CADM2: variants seen among roughly 807,000 people sequenced by gnomAD.
The protein encoded by CADM2 is cell adhesion molecule 2, also known as immunoglobulin superfamily member 4D.
A neutral mutation model predicts 49.8 loss-of-function variants in CADM2; 12 were observed. That is an observed-to-expected ratio of 0.24 (90% CI 0.15 to 0.39). The LOEUF (loss-of-function observed/expected upper bound fraction) is 0.39, where lower values mean the gene tolerates loss of function less well. CADM2 is among the 10% of genes least tolerant of loss of function. The pLI is 1.00. For missense variants in CADM2, 378 were observed against 492.3 expected (o/e 0.77, Z 2.20); for synonymous variants, 214 against 175.4 (o/e 1.22, Z -1.74).
intron 8 of CADM2, chr3:85,979,090 A>G (rs1727147664): frequency 2.6e-6 from 4 of 1,520,618 alleles, no homozygotes; most frequent in Non-Finnish European, 3.6e-6. Flanking sequence ...ATATGTATTT[A>G]TAATTTGAAT....
intron 1 of CADM2, among the ~76,000 whole-genome samples, chr3:85,591,815 C>T (rs1488482902): frequency 2.0e-5 from 3 of 151,882 alleles, no homozygotes; most frequent in African/African-American, 7.3e-5. Flanking sequence ...CACTTTGTTC[C>T]CAGTGAATTC....
intron 1 of CADM2, among the ~76,000 whole-genome samples, chr3:85,104,600 T>A (rs1477735462): frequency 6.6e-6 from 1 of 152,200 alleles, no homozygotes; most frequent in Non-Finnish European, 1.5e-5. Flanking sequence ...TTTCCAATTC[T>A]GTGAAGAAAG....
Position 85,735,846 on chromosome 3 carries a change from T to G in CADM2, c.88+9298T>G, listed in dbSNP as rs142865478. On this transcript the variant is annotated intron_variant, in intron 2 of 9. Transcript: ENST00000383699. ...ACACAACAAAATAACGACAGCTCAG[T>G]TTTCATCATGTAAAGTTGAAGAGAC... 3.2e-4 allele frequency among the ~76,000 whole-genome samples: 48 copies of G among 149,384 alleles called. No individual in the cohort carries two copies. In the East Asian group the frequency reaches 8.5e-3, roughly 26 times the overall value.
At chr3:85,700,349 AG>A (rs1404066479) in intron 1 of CADM2, among the ~76,000 whole-genome samples, 1 of 152,126 alleles carries the variant, frequency 6.6e-6, no homozygotes, top group African/African-American at 2.4e-5. Flanking sequence ...ATGGGGGACT[AG>A]GGGAGGGATA....
At chr3:85,538,878 G>A (rs188235957) in intron 1 of CADM2, among the ~76,000 whole-genome samples, 5 of 149,994 alleles carry the variant, frequency 3.3e-5, no homozygotes, top group African/African-American at 4.8e-5. Flanking sequence ...CTATAATATC[G>A]TGAGTTGAAT....
intron 1 of CADM2, among the ~76,000 whole-genome samples, chr3:85,444,890 C>T (rs1243666947): frequency 6.6e-6 from 1 of 152,056 alleles, no homozygotes. Context: ...GAGTTGCAGT[C>T]TAGCACAGAA....
chr3:85,634,813 CAG>C (rs2064412595), intron 1 of CADM2, among the ~76,000 whole-genome samples: 1 of 152,036 alleles, frequency 6.6e-6, no homozygotes, highest in African/African-American at 2.4e-5. Flanking sequence ...GATTTCTTGA[CAG>C]AAACTACATA....
intron 1 of CADM2, among the ~76,000 whole-genome samples, chr3:85,171,268 C>G (rs1200091524): frequency 6.6e-6 from 1 of 152,150 alleles, no homozygotes; most frequent in East Asian, 1.9e-4. Context: ...TCAATATCCA[C>G]TATAAGGTGG....
At chr3:85,053,714 A>G (rs2107415447) in intron 1 of CADM2, among the ~76,000 whole-genome samples, 2 of 152,074 alleles carry the variant, frequency 1.3e-5, no homozygotes, top group Middle Eastern at 6.8e-3. Flanking sequence ...TTGTTTTTAG[A>G]AAAAATGATT....
chr3:85,665,450 A>C (rs760488302), intron 1 of CADM2, among the ~76,000 whole-genome samples: 2 of 151,956 alleles, frequency 1.3e-5, no homozygotes, highest in Non-Finnish European at 2.9e-5. Flanking sequence ...ACAGGAACTT[A>C]GTTGTTATTT....
intron 1 of CADM2, among the ~76,000 whole-genome samples, chr3:85,468,555 AT>A (rs1013162621): frequency 6.6e-6 from 1 of 151,046 alleles, no homozygotes; most frequent in African/African-American, 2.4e-5. Flanking sequence ...TGTTAAAAGT[AT>A]TTGGGGACTT....
chr3:85,343,854 A>G (rs1387162291), intron 1 of CADM2, among the ~76,000 whole-genome samples: 1 of 152,184 alleles, frequency 6.6e-6, no homozygotes, highest in South Asian at 2.1e-4. Context: ...CTTCACTCTC[A>G]TAACTTTTCT....
chr3:85,491,714 G>A (rs2039681186), intron 1 of CADM2, among the ~76,000 whole-genome samples: 1 of 152,050 alleles, frequency 6.6e-6, no homozygotes, highest in Non-Finnish European at 1.5e-5. Flanking sequence ...CACTTCGGGA[G>A]GCAGAGGCGG....
At chr3:85,409,931 G>A (rs1201602607) in intron 1 of CADM2, among the ~76,000 whole-genome samples, 3 of 152,050 alleles carry the variant, frequency 2.0e-5, no homozygotes, top group African/African-American at 7.2e-5. Context: ...ATTGACATCT[G>A]GTTTCATTTC....
intron 8 of CADM2, among the ~76,000 whole-genome samples, chr3:85,975,632 A>T (rs1384603216): frequency 2.0e-5 from 3 of 151,664 alleles, no homozygotes; most frequent in African/African-American, 7.3e-5. Flanking sequence ...ACAAATATAT[A>T]ATACGACACA....
At chr3:85,636,153 T>C (rs2064469310) in intron 1 of CADM2, among the ~76,000 whole-genome samples, 1 of 152,194 alleles carries the variant, frequency 6.6e-6, no homozygotes, top group African/African-American at 2.4e-5. Flanking sequence ...CTTCAGGAAG[T>C]ATTCCGGAAG....
At chr3:85,109,385 G>C (rs1295538441) in intron 1 of CADM2, among the ~76,000 whole-genome samples, 1 of 150,552 alleles carries the variant, frequency 6.6e-6, no homozygotes, top group African/African-American at 2.5e-5. Flanking sequence ...AGAAAGAGAG[G>C]AGAGAGAGAG....
At chr3:85,707,826 G>T (rs2066998683) in intron 1 of CADM2, among the ~76,000 whole-genome samples, 1 of 152,126 alleles carries the variant, frequency 6.6e-6, no homozygotes, top group Non-Finnish European at 1.5e-5. Flanking sequence ...AAAAGAATTA[G>T]ATTTAAAATT....
intron 8 of CADM2, chr3:86,012,931 C>T (rs1731727073): frequency 1.6e-6 from 1 of 638,940 alleles, no homozygotes; most frequent in Non-Finnish European, 2.9e-6. Flanking sequence ...GCCGAGATCG[C>T]GCCACTGCAC....
Sources: gnomAD v4.1 joint callset for allele counts (sites outside exome capture counted in the v4.1 genomes callset) on GRCh38, gnomAD v4.1.1 for gene constraint, MANE v1.5 for transcripts, NCBI Gene and HGNC (gene_info 2026-07-23, HGNC 2026-07-21) for gene names.